Variants in FLACC1 observed in about 807,000 individuals in gnomAD.
FLACC1 encodes the protein flagellum associated containing coiled-coil domains 1.
In FLACC1, 66 loss-of-function variants were observed where a neutral mutation model predicts 62.8. The ratio of observed to expected loss-of-function variants is 1.05; its 90% CI spans 0.86 to 1.29. The LOEUF (loss-of-function observed/expected upper bound fraction) is 1.29. FLACC1 is among the 50% of genes most tolerant of loss of function. The pLI is 0.00. For synonymous variants in FLACC1, 156 were observed against 161.0 expected, an observed-to-expected ratio of 0.97 and a Z score of 0.24; for missense variants, 452 against 489.1, an observed-to-expected ratio of 0.92 and a Z score of 0.71.
At chr2:201,338,770 T>C (rs1038818404) in intron 7 of FLACC1, among the ~76,000 whole-genome samples, 5 of 152,198 alleles carry the variant, frequency 3.3e-5, no homozygotes, top group Admixed American at 2.6e-4. Context: ...CACTCGGTCA[T>C]GGTGTATTAT....
chr2:201,351,308 A>C lies in FLACC1; in HGVS notation c.97T>G (p.Ser33Ala). Residue 33 changes from serine (S) to alanine (A), a missense_variant, in exon 2 of 15, where the codon TCC (serine) becomes GCC (alanine). Around this residue, in one of 3 missense-constraint regions of FLACC1, gnomAD observed 147 missense variants for 152.7 expected, o/e 0.96. Coordinates refer to ENST00000392257, the MANE Select transcript of FLACC1 (RefSeq NM_001127391.3). ...AATTCTTACTTGGAACTCCCTGTGG[A>C]GTTCTTGCGTGGTAGTTGAGGGGTC... The part of the protein sequence containing the change: ...IKTPQLPRKN[S>A]TGSSKLTPLV... 3 of 1,613,408 alleles carry C rather than the reference A, an allele frequency of 1.9e-6. No individual in the cohort carries two copies. Among genetic ancestry groups the C allele is most frequent in the Non-Finnish European group, 2.5e-6 (3 of 1,179,386 alleles).
intron 12 of FLACC1, among the ~76,000 whole-genome samples, chr2:201,292,185 G>C (rs576354777): frequency 6.6e-6 from 1 of 152,254 alleles, no homozygotes; most frequent in East Asian, 1.9e-4. Context: ...ACAGCATAAA[G>C]ATACTCCTCG....
chr2:201,310,086 T>C (rs1444965534), intron 9 of FLACC1, among the ~76,000 whole-genome samples: 7 of 151,982 alleles, frequency 4.6e-5, no homozygotes, highest in Non-Finnish European at 1.5e-5. Context: ...TGGCTCAGAT[T>C]TCATGAACAT....
At chr2:201,296,878 T>C (rs1000772052) in intron 12 of FLACC1, among the ~76,000 whole-genome samples, 1 of 151,970 alleles carries the variant, frequency 6.6e-6, no homozygotes, top group Admixed American at 6.5e-5. Flanking sequence ...TTATGCTCCA[T>C]GGGGATGGAT....
At chr2:201,294,483 A>G (rs981507555) in intron 12 of FLACC1, among the ~76,000 whole-genome samples, 11 of 152,220 alleles carry the variant, frequency 7.2e-5, no homozygotes, top group African/African-American at 2.7e-4. Context: ...CGTTCATGCT[A>G]AAAACTCTCA....
chr2:201,348,366 C>G, intron 3 of FLACC1, 64 bp from the exon 4 acceptor site: 1 of 1,555,316 alleles, frequency 6.4e-7, no homozygotes, highest in Non-Finnish European at 8.7e-7. Flanking sequence ...AGCTTAGGAG[C>G]TGAACCCTGA....
intron 9 of FLACC1, among the ~76,000 whole-genome samples, chr2:201,325,566 T>C (rs1029613526): frequency 6.6e-6 from 1 of 151,932 alleles, no homozygotes; most frequent in Non-Finnish European, 1.5e-5. Flanking sequence ...CTGGAAAACC[T>C]AGAGGAAATA....
At chr2:201,290,961 G>A (rs961180984) in intron 12 of FLACC1, among the ~76,000 whole-genome samples, 4 of 152,192 alleles carry the variant, frequency 2.6e-5, no homozygotes, top group African/African-American at 9.7e-5. Context: ...CAAACTGCGA[G>A]GTGGCAGTGA....
intron 7 of FLACC1, among the ~76,000 whole-genome samples, chr2:201,340,536 G>T (rs548160518): frequency 5.3e-4 from 80 of 152,214 alleles, no homozygotes; most frequent in African/African-American, 1.9e-3. Context: ...TTTTGTTTTT[G>T]ATGTCAGAAT....
chr2:201,319,106 T>A (rs933213876), intron 9 of FLACC1, among the ~76,000 whole-genome samples: 6 of 151,844 alleles, frequency 4.0e-5, no homozygotes, highest in Admixed American at 2.0e-4. Flanking sequence ...TAAAAAAATT[T>A]AAAAAAATAT....
chr2:201,295,595 G>T (rs1027165326), intron 12 of FLACC1, among the ~76,000 whole-genome samples: 95 of 152,232 alleles, frequency 6.2e-4, no homozygotes, highest in African/African-American at 1.9e-3. Context: ...CAGGACATAG[G>T]CATGGGCAAG....
At chr2:201,295,818 A>AAAAAAC in intron 12 of FLACC1, among the ~76,000 whole-genome samples, 1 of 152,348 alleles carries the variant, frequency 6.6e-6, no homozygotes, top group East Asian at 1.9e-4. Context: ...ATTTACAAGA[A>AAAAAAC]AAAAACAAAC....
At chr2:201,328,014 A>T (rs1950527270) in intron 9 of FLACC1, among the ~76,000 whole-genome samples, 1 of 152,214 alleles carries the variant, frequency 6.6e-6, no homozygotes, top group Non-Finnish European at 1.5e-5. Flanking sequence ...AGCAACTTGG[A>T]TGGAGCTGGA....
At chr2:201,344,402 T>TG in intron 5 of FLACC1, 139 bp from the exon 6 acceptor site, 2 of 516,744 alleles carry the variant, frequency 3.9e-6, no homozygotes, top group Non-Finnish European at 3.6e-6. Context: ...TCTATCATTA[T>TG]GGGGTGGGGG....
rs555767237 is a variant in FLACC1, at chr2:201,344,368, G to C, written c.369-105C>G. On this transcript the variant is annotated intron_variant, in intron 5 of 14. Transcript: ENST00000392257. ...GGCATGGTGAGAGCTGGCCTGGTGAGAGCTGGCCATGTTCTGCACCTGCTC... is the reference window on the plus strand; with the variant it reads ...GGCATGGTGAGAGCTGGCCTGGTGACAGCTGGCCATGTTCTGCACCTGCTC... 9 of 872,474 alleles carry C rather than the reference G, an allele frequency of 1.0e-5. No individual in the cohort carries two copies. In the African/African-American group the frequency reaches 1.5e-4, roughly 15 times the overall value. 54.0% of individuals were successfully genotyped at this position (872,474 alleles called of 1,614,324 possible). A position where few individuals can be genotyped will look rare whatever the true frequency, so the allele number is the denominator to read the frequency against.
chr2:201,328,587 G>A (rs796682312), intron 9 of FLACC1, among the ~76,000 whole-genome samples: 6 of 152,136 alleles, frequency 3.9e-5, no homozygotes, highest in African/African-American at 1.2e-4. Flanking sequence ...CACCATGTCC[G>A]ACTAATTTTC....
intron 12 of FLACC1, among the ~76,000 whole-genome samples, chr2:201,292,142 C>A (rs1949750705): frequency 6.6e-6 from 1 of 152,182 alleles, no homozygotes; most frequent in African/African-American, 2.4e-5. Context: ...CCGAGCAAGG[C>A]AGGCCAACAA....
intron 10 of FLACC1, 144 bp from the exon 11 acceptor site, chr2:201,307,766 C>T (rs778235287): frequency 1.5e-5 from 10 of 675,356 alleles, no homozygotes; most frequent in Admixed American, 9.5e-5. Context: ...GCCTCTGACA[C>T]TCACCTGAAG....
chr2:201,343,747 AGATTCT>A (rs1950856210), intron 6 of FLACC1, among the ~76,000 whole-genome samples: 1 of 152,236 alleles, frequency 6.6e-6, no homozygotes. Context: ...TGACATCTGC[AGATTCT>A]GATGTGTGGG....
Sources: gnomAD v4.1 joint callset for allele counts (sites outside exome capture counted in the v4.1 genomes callset) on GRCh38, gnomAD v4.1.1 for gene constraint, gnomAD v4.1.1 regional missense constraint, MANE v1.5 for transcripts, NCBI Gene and HGNC (gene_info 2026-07-23, HGNC 2026-07-21) for gene names.